The following STIL variants were observed in gnomAD, a reference collection of about 807,000 sequenced individuals.
STIL encodes the protein STIL centriolar assembly protein.
In STIL, 55 loss-of-function variants were observed where a neutral mutation model predicts 110.1. The observed-to-expected ratio is 0.50, with a 90% CI of 0.40 to 0.63. The LOEUF is 0.63. Ranked by LOEUF, STIL falls within the 20% of genes least tolerant of loss-of-function variation. STIL has a pLI of 0.00. For missense variants in STIL, 1,358 were observed against 1,530.0 expected (o/e 0.89, Z 1.87); for synonymous variants, 481 against 530.0 (o/e 0.91, Z 1.27).
Position 47,289,573 on chromosome 1 carries a change from T to C in STIL, c.885A>G (p.Glu295=), listed in dbSNP as rs1265214413. 1.9e-6 allele frequency: 3 copies of C among 1,613,632 alleles called. No homozygotes were observed. The East Asian group carries it at 6.7e-5, about 36-fold the overall frequency. The change falls in exon 9 of 17, where the codon GAA becomes GAG. Residue 295 remains glutamate (E), a synonymous_variant. Transcript: ENST00000371877. ...AGAGAACTATGATGAAATTTCCAGA[T>C]TCTGAAAAAACCCTGCACAAAAAAA... ...NSSVQERVFS[E]SGNFIIVLYS... is the part of the protein sequence containing the mutation.
chr1:47,274,871 G>C (rs1644942366), intron 12 of STIL, among the ~76,000 whole-genome samples: 1 of 152,092 alleles, frequency 6.6e-6, no homozygotes, highest in African/African-American at 2.4e-5. Context: ...TGCATCTCTT[G>C]CTGGGTGCAG....
At chr1:47,272,273 CAG>C in intron 12 of STIL, 32 bp from the exon 13 acceptor site, 1 of 1,612,892 alleles carries the variant, frequency 6.2e-7, no homozygotes, top group Non-Finnish European at 8.5e-7. Context: ...TTTAAACTGA[CAG>C]GGAAGTAATC....
At position 47,305,725 on chromosome 1, in the gene STIL, C is replaced by CTTTTTTT. The variant is rs71572652; in HGVS notation, c.45-736_45-730dup. On this transcript the variant is annotated intron_variant, in intron 2 of 16. Transcript: ENST00000371877. Reference sequence around the variant, plus strand: ...ACAGGCGTGAGCCACCACGCCTGGCCTTTTTTTTTTTTTTTTTTTTTTTTT... The same window carrying CTTTTTTT: ...ACAGGCGTGAGCCACCACGCCTGGCCTTTTTTTTTTTTTTTTTTTTTTTTTTTTTTTT... Among the ~76,000 whole-genome samples, 6 of 43,432 alleles carry CTTTTTTT rather than the reference C, an allele frequency of 1.4e-4. 1 individual carries two copies. The highest frequency in any genetic ancestry group is 1.9e-4 in the Non-Finnish European group (5 of 26,734). 28.5% of individuals were successfully genotyped at this position (43,432 alleles called of 152,430 possible).
intron 14 of STIL, 35 bp from the exon 15 acceptor site, chr1:47,263,151 T>C: frequency 1.3e-6 from 2 of 1,570,842 alleles, no homozygotes; most frequent in Non-Finnish European, 1.7e-6. Flanking sequence ...GTCATTGAGG[T>C]ACCTTTAACA....
intron 12 of STIL, among the ~76,000 whole-genome samples, chr1:47,273,286 G>A (rs923196840): frequency 1.3e-5 from 2 of 152,128 alleles, no homozygotes; most frequent in African/African-American, 4.8e-5. Flanking sequence ...CACAAAGTGT[G>A]CAATAATCAC....
intron 12 of STIL, among the ~76,000 whole-genome samples, chr1:47,272,813 A>C (rs1359500397): frequency 3.9e-5 from 6 of 152,350 alleles, no homozygotes; most frequent in Admixed American, 3.9e-4. Context: ...CTAACATTAT[A>C]TTCCTATTTC....
At chr1:47,313,539 C>A (rs1646201585) in intron 1 of STIL, among the ~76,000 whole-genome samples, 1 of 152,006 alleles carries the variant, frequency 6.6e-6, no homozygotes, top group Non-Finnish European at 1.5e-5. Context: ...CCTAGTAAAC[C>A]CCCGCCATCC....
chr1:47,252,262 G>A (rs1214893318), intron 16 of STIL, among the ~76,000 whole-genome samples: 1 of 152,118 alleles, frequency 6.6e-6, no homozygotes, highest in African/African-American at 2.4e-5. Flanking sequence ...CACATTTATA[G>A]TCCCAACTAC....
At chr1:47,290,685 AG>A (rs1645459280) in intron 8 of STIL, among the ~76,000 whole-genome samples, 1 of 151,656 alleles carries the variant, frequency 6.6e-6, no homozygotes, top group Non-Finnish European at 1.5e-5. Context: ...CCCGGGCAAC[AG>A]AGCAAGACTC....
chr1:47,306,640 T>A (rs1315744472), intron 2 of STIL, among the ~76,000 whole-genome samples: 11 of 152,252 alleles, frequency 7.2e-5, no homozygotes, highest in Admixed American at 7.2e-4. Flanking sequence ...AATAAATTCT[T>A]AATTATTTTC....
intron 10 of STIL, among the ~76,000 whole-genome samples, chr1:47,285,086 C>T (rs1272680020): frequency 1.3e-5 from 2 of 149,966 alleles, no homozygotes; most frequent in East Asian, 3.9e-4. Flanking sequence ...TGCAGTGCCA[C>T]GAACATGGCT....
chr1:47,267,717 T>TGTTTG (rs1438980902), intron 14 of STIL, among the ~76,000 whole-genome samples: 1 of 150,804 alleles, frequency 6.6e-6, no homozygotes, highest in Non-Finnish European at 1.5e-5. Context: ...TTTTTTGTTT[T>TGTTTG]GTTTTGTTTT....
At chr1:47,311,940 A>T (rs1382748011) in intron 1 of STIL, among the ~76,000 whole-genome samples, 1 of 151,962 alleles carries the variant, frequency 6.6e-6, no homozygotes, top group Non-Finnish European at 1.5e-5. Context: ...CCAGCTAGTC[A>T]GGAGGCTGGG....
chr1:47,286,612 G>A (rs1264448283), intron 10 of STIL, among the ~76,000 whole-genome samples: 1 of 151,566 alleles, frequency 6.6e-6, no homozygotes, highest in Non-Finnish European at 1.5e-5. Flanking sequence ...GGAGAATGGC[G>A]TGGACCCGGG....
In STIL at chr1:47,260,492, C is replaced by A. The variant is rs761623433; in HGVS notation, c.2877G>T (p.Gln959His). The part of the protein sequence containing the change: ...LLNSSSKETE[Q>H]PSTKAVIISH... ...TGATAATTACTGCTTTGGTAGACGG[C>A]TGCTCAGTTTCCTTGGAGGAACTAT... is the stretch of plus-strand genomic sequence containing the variant. Residue 959 changes from glutamine to histidine, a missense_variant, in exon 16 of 17, where the codon CAG becomes CAT. By Grantham distance (24) the Gln-to-His change is conservative. Transcript: ENST00000371877. 9.9e-6 allele frequency: 16 copies of A among 1,614,050 alleles called. No homozygotes were observed. The African/African-American group carries it at 2.1e-4, about 22-fold the overall frequency.
intron 16 of STIL, among the ~76,000 whole-genome samples, chr1:47,253,002 A>G (rs1269614545): frequency 1.3e-5 from 2 of 152,000 alleles, no homozygotes; most frequent in African/African-American, 2.4e-5. Flanking sequence ...GTCATTTGCT[A>G]ATGTTGGCAC....
chr1:47,252,252 C>T (rs1644205493), intron 16 of STIL, among the ~76,000 whole-genome samples: 3 of 152,082 alleles, frequency 2.0e-5, no homozygotes, highest in Non-Finnish European at 2.9e-5. Flanking sequence ...CATGGTGGTG[C>T]ACATTTATAG....
At chr1:47,284,486 G>A (rs1188991085) in intron 10 of STIL, among the ~76,000 whole-genome samples, 1 of 152,138 alleles carries the variant, frequency 6.6e-6, no homozygotes, top group Admixed American at 6.6e-5. Context: ...AGCCTTCTGA[G>A]TAGCTTTTAA....
intron 10 of STIL, 127 bp from the exon 11 acceptor site, chr1:47,282,586 C>A: frequency 1.5e-6 from 1 of 662,478 alleles, no homozygotes; most frequent in African/African-American, 1.8e-5. Context: ...TATCTGACAA[C>A]CACAAATTAT....
Sources: gnomAD v4.1 joint callset for allele counts (sites outside exome capture counted in the v4.1 genomes callset) on GRCh38, gnomAD v4.1.1 for gene constraint, MANE v1.5 for transcripts, NCBI Gene and HGNC (gene_info 2026-07-23, HGNC 2026-07-21) for gene names.